PPP6R2: variants seen among roughly 807,000 people sequenced by gnomAD.
The protein encoded by PPP6R2 is serine/threonine-protein phosphatase 6 regulatory subunit 2.
A neutral mutation model predicts 100.2 loss-of-function variants in PPP6R2; 62 were observed. The observed-to-expected ratio is 0.62, with a 90% confidence interval of 0.50 to 0.76. The LOEUF is 0.76. Among genes scored for constraint, PPP6R2 ranks in the 30% least tolerant of loss-of-function variants. The pLI, the probability that PPP6R2 is intolerant of heterozygous loss-of-function variation, is 0.00. For synonymous variants in PPP6R2, 525 were observed against 514.7 expected (o/e 1.02, Z -0.27); for missense variants, 1,142 against 1,276.3 (o/e 0.89, Z 1.60).
intron 1 of PPP6R2, among the ~76,000 whole-genome samples, chr22:50,363,761 GTC>G (rs1221794244): frequency 6.6e-6 from 1 of 152,196 alleles, no homozygotes; most frequent in Non-Finnish European, 1.5e-5. Flanking sequence ...TCAGGATCCA[GTC>G]TCTGCTGTTT....
rs200416894 is a variant in PPP6R2, at chr22:50,431,250, C to T, written c.1203C>T (p.His401=). Residue 401 remains histidine, a synonymous_variant, in exon 11 of 24, where the codon CAC becomes CAT. Transcript: ENST00000612753. This position sits in a 1 kb window ranked among gnomAD's most constrained non-coding sequence, Gnocchi z 4.8. ...TATGCATAGCCGCTATTCTCTCCCA[C>T]GCTGCCCGTGAGGAGAGGACAGAAG... ...VELCIAAILS[H]AAREERTEAS... is the part of the protein sequence containing the mutation. The T allele has an allele frequency of 2.7e-5, 43 of 1,613,600 alleles. No individual in the cohort carries two copies. The highest frequency in any genetic ancestry group is 4.4e-5 in the South Asian group (4 of 91,094).
chr22:50,378,992 C>A (rs2052293989), intron 2 of PPP6R2, among the ~76,000 whole-genome samples: 1 of 151,978 alleles, frequency 6.6e-6, no homozygotes, highest in East Asian at 1.9e-4. Context: ...GTCTGTTAGT[C>A]CCTTTTGCCA....
chr22:50,375,562 G>A (rs921044526), intron 2 of PPP6R2, among the ~76,000 whole-genome samples: 1 of 152,120 alleles, frequency 6.6e-6, no homozygotes, highest in African/African-American at 2.4e-5. Context: ...AGAGGCACAT[G>A]TGCCTCACAC....
At chr22:50,390,139 C>G (rs1165776111) in intron 2 of PPP6R2, among the ~76,000 whole-genome samples, 1 of 151,288 alleles carries the variant, frequency 6.6e-6, no homozygotes, top group Non-Finnish European at 1.5e-5. Flanking sequence ...TTACAGGCAC[C>G]CACCACCACG....
In PPP6R2 at chr22:50,440,921, A is replaced by G. The variant is rs749586712; in HGVS notation, c.2474A>G (p.Asp825Gly). 8 of 1,613,518 alleles carry G rather than the reference A, an allele frequency of 5.0e-6. No individual in the cohort carries two copies. The highest frequency in any genetic ancestry group is 3.3e-5 in the Admixed American group (2 of 60,000). Residue 825 changes from aspartate (D) to glycine (G), a missense_variant, in exon 22 of 24, where the codon GAT becomes GGT. Physicochemically the swap from Asp to Gly is moderately conservative, Grantham distance 94. Transcript: ENST00000612753. ...TCCTCTGGGGGCTCCCACAGCGAGG[A>G]TGGCGACCAGAAGGCAGCGAGTGCC... ...SSSSGGSHSEDGDQKAASAMD... is the reference protein window; with the variant it reads ...SSSSGGSHSEGGDQKAASAMD...
At chr22:50,339,962 T>TGG (rs2042353692), upstream of PPP6R2, among the ~76,000 whole-genome samples, 1 of 71,598 alleles carries the variant, frequency 1.4e-5, no homozygotes. Flanking sequence ...TGTGTGTGTG[T>TGG]TGTGTGGTGT....
intron 15 of PPP6R2, 52 bp downstream of exon 15, chr22:50,437,120 G>T (rs1322768850): frequency 6.7e-7 from 1 of 1,485,230 alleles, no homozygotes; most frequent in Non-Finnish European, 9.2e-7. Flanking sequence ...CGGCACCTGT[G>T]TGCGCTGCGC....
rs574033254 is a variant in PPP6R2, at chr22:50,439,198, C to T, written c.2128+436C>T. Reference sequence around the variant, plus strand: ...TCTCCTTACCCTGCCCTGGGGGCAGCACTGAGGCACTCAGGACTTTGGTGG... The same window carrying T: ...TCTCCTTACCCTGCCCTGGGGGCAGTACTGAGGCACTCAGGACTTTGGTGG... On this transcript the variant is annotated intron_variant, in intron 19 of 23. Transcript: ENST00000612753. Among the ~76,000 whole-genome samples, 20 of 152,328 alleles carry T rather than the reference C, an allele frequency of 1.3e-4. No individual in the cohort carries two copies. In the East Asian group the frequency reaches 3.9e-3, roughly 29 times the overall value.
the PPP6R2 span, among the ~76,000 whole-genome samples, chr22:50,337,047 C>T: frequency 1.3e-5 from 2 of 151,922 alleles, no homozygotes; most frequent in Non-Finnish European, 2.9e-5. Flanking sequence ...CTTTATTGAA[C>T]CATAACTAGT....
the PPP6R2 span, among the ~76,000 whole-genome samples, chr22:50,333,050 G>A: frequency 6.6e-6 from 1 of 152,104 alleles, no homozygotes; most frequent in Non-Finnish European, 1.5e-5. Context: ...GAAGCAGGAG[G>A]ATCACCTAAG....
Position 50,437,501 on chromosome 22 carries a change from CCCA to C in PPP6R2, c.1684-4_1684-2del. 6.7e-7 allele frequency: 1 copy of C among 1,496,112 alleles called. No homozygotes were observed. The highest frequency in any genetic ancestry group is 1.4e-5 in the African/African-American group (1 of 72,096). The allele number at this position is 1,496,112 out of a possible 1,614,324, so 92.7% of individuals were successfully genotyped here. A position where few individuals can be genotyped will look rare whatever the true frequency, so the allele number is the denominator to read the frequency against. Reference sequence around the variant, plus strand: ...TCCGTCCCTCCCTCCCTCCCTCCCTCCCAGGCCTTCTCTGACTACCAGATCCAG... The same window carrying C: ...TCCGTCCCTCCCTCCCTCCCTCCCTCGGCCTTCTCTGACTACCAGATCCAG... On this transcript the variant is annotated splice_acceptor_variant and splice_polypyrimidine_tract_variant and intron_variant, in intron 15 of 23. Transcript: ENST00000612753. LOFTEE classifies it high-confidence loss of function.
chr22:50,347,969 C>A (rs2044158838), intron 1 of PPP6R2, among the ~76,000 whole-genome samples: 1 of 152,182 alleles, frequency 6.6e-6, no homozygotes. Flanking sequence ...TTCTAACTCA[C>A]TTCAGTTAAT....
chr22:50,412,150 A>T (rs570407905), intron 4 of PPP6R2, among the ~76,000 whole-genome samples: 1 of 152,282 alleles, frequency 6.6e-6, no homozygotes, highest in East Asian at 1.9e-4. Context: ...TGAATGTGTG[A>T]ATATGATCCA....
chr22:50,373,104 C>G (rs1243032853), intron 2 of PPP6R2, among the ~76,000 whole-genome samples: 1 of 152,080 alleles, frequency 6.6e-6, no homozygotes, highest in Non-Finnish European at 1.5e-5. Flanking sequence ...AGTTGCCATT[C>G]AAACCACACA....
At chr22:50,397,972 C>A (rs1377432442) in intron 3 of PPP6R2, among the ~76,000 whole-genome samples, 1 of 76,330 alleles carries the variant, frequency 1.3e-5, no homozygotes, top group Non-Finnish European at 3.0e-5. Context: ...GGGATGGGGG[C>A]AGGGGGGCCT....
intron 1 of PPP6R2, among the ~76,000 whole-genome samples, chr22:50,352,740 CA>C (rs755138488): frequency 0.22 from 28,856 of 132,174 alleles, 3,470 homozygotes; most frequent in Non-Finnish European, 0.29. Context: ...AAAACAAAAA[CA>C]AAAAAAAAAA....
rs2064926031 is a variant in PPP6R2 at position 50,438,663 on chromosome 22, G to A, written c.2029G>A (p.Gly677Arg). The change falls in exon 19 of 24, where the codon GGG becomes AGG. Residue 677 changes from glycine (G) to arginine (R), a missense_variant. By Grantham distance (125) the Gly-to-Arg change is moderately radical. This residue lies in a region of PPP6R2 where 550 missense variants were observed against 517.4 expected (regional missense o/e 1.06). Transcript: ENST00000612753. ...TGGCCCAGAGCGTGGAGGCCAGGAT[G>A]GGAAGGCGAGCTTGGAAGCACACAG... ...KNGPERGGQD[G>R]KASLEAHRDA... 1.2e-6 allele frequency: 2 copies of A among 1,614,030 alleles called. No homozygotes were observed. Among genetic ancestry groups the A allele is most frequent in the Non-Finnish European group, 1.7e-6 (2 of 1,179,990 alleles).
rs142615967 is a variant in PPP6R2, at chr22:50,442,171, G to A, written c.2579+1145G>A. 2.9e-3 allele frequency among the ~76,000 whole-genome samples: 446 copies of A among 152,316 alleles called. 2 individuals carry two copies. The highest frequency in any genetic ancestry group is 0.021 in the South Asian group (102 of 4,834). ...AGCTCAGCCTGCATGCGTCCCACCT[G>A]TACTACCCTTCCCCCACAGGTGGGG... On this transcript the variant is annotated intron_variant, in intron 22 of 23. Coordinates refer to ENST00000612753, the MANE Select transcript of PPP6R2 (RefSeq NM_001242898.2).
chr22:50,431,426 C>T lies in PPP6R2; in HGVS notation c.1335+44C>T. 1 of 1,546,716 alleles carries T rather than the reference C, an allele frequency of 6.5e-7. No homozygotes were observed. The highest frequency in any genetic ancestry group is 8.8e-7 in the Non-Finnish European group (1 of 1,130,516). ...CATCTTATCAGCGCCAACTGCGCCC[C>T]ACTCAGACCGTGTCCATGTCAGCGC... On this transcript the variant is annotated intron_variant, in intron 11 of 23. Transcript: ENST00000612753. This position sits in a 1 kb window ranked among gnomAD's most constrained non-coding sequence, Gnocchi z 4.8.
Sources: gnomAD v4.1 joint callset for allele counts (sites outside exome capture counted in the v4.1 genomes callset) on GRCh38, gnomAD v4.1.1 for gene constraint, gnomAD v4.1.1 regional missense constraint, Gnocchi (gnomAD v3.1) non-coding constraint, MANE v1.5 for transcripts, NCBI Gene and HGNC (gene_info 2026-07-23, HGNC 2026-07-21) for gene names.